DPYD: variants seen among roughly 807,000 people sequenced by gnomAD.
DPYD encodes dihydropyrimidine dehydrogenase, also known as dihydropyrimidine dehydrogenase [NADP(+)].
A neutral mutation model predicts 116.2 loss-of-function variants in DPYD; 109 were observed. The observed-to-expected ratio is 0.94, with a 90% confidence interval of 0.80 to 1.10. The LOEUF (loss-of-function observed/expected upper bound fraction) is 1.10, where lower values mean the gene tolerates loss of function less well. DPYD is among the 50% of genes least tolerant of loss of function. The pLI, the probability that DPYD is intolerant of heterozygous loss-of-function variation, is 0.00. For missense variants in DPYD, 1,302 were observed against 1,254.5 expected, an observed-to-expected ratio of 1.04 and a Z score of -0.57; for synonymous variants, 440 against 432.0, an observed-to-expected ratio of 1.02 and a Z score of -0.23.
chr1:97,129,302 G>A (rs1331609486), intron 20 of DPYD, among the ~76,000 whole-genome samples: 1 of 151,964 alleles, frequency 6.6e-6, no homozygotes, highest in African/African-American at 2.4e-5. Context: ...CTAACCTCAG[G>A]TGATCCTCCT....
chr1:97,198,589 G>A (rs568116658), intron 19 of DPYD, among the ~76,000 whole-genome samples: 3 of 152,162 alleles, frequency 2.0e-5, no homozygotes, highest in African/African-American at 2.4e-5. Flanking sequence ...AAGGTAAATC[G>A]TTCTTGTTAA....
chr1:97,515,485 C>G (rs1052227695), intron 13 of DPYD, among the ~76,000 whole-genome samples: 18 of 151,792 alleles, frequency 1.2e-4, no homozygotes, highest in African/African-American at 4.4e-4. Flanking sequence ...GAAAAAGTCA[C>G]TTTCATAATA....
At chr1:97,794,893 TTAAG>T (rs1030623594) in intron 3 of DPYD, among the ~76,000 whole-genome samples, 11 of 152,138 alleles carry the variant, frequency 7.2e-5, no homozygotes, top group African/African-American at 2.7e-4. Context: ...TGGTATTGCT[TTAAG>T]TTTTAATTTT....
At position 97,289,558 on chromosome 1, in the gene DPYD, A is replaced by T. The variant is rs377076051; in HGVS notation, c.2299+15701T>A. Among the ~76,000 whole-genome samples the T allele has an allele frequency of 3.4e-4, 51 of 151,886 alleles. No individual in the cohort carries two copies. In the East Asian group the frequency reaches 9.1e-3, roughly 27 times the overall value. ...ATACGCAAATCAATAAATGTAATCC[A>T]GCATATAAACAGAACCAAAGACAAA... On this transcript the variant is annotated intron_variant, in intron 18 of 22. Transcript: ENST00000370192.
chr1:97,212,494 G>A (rs1553234494), intron 19 of DPYD, among the ~76,000 whole-genome samples: 1 of 152,016 alleles, frequency 6.6e-6, no homozygotes, highest in Non-Finnish European at 1.5e-5. Context: ...ACTGTGTCCA[G>A]TTTTGGGGTA....
Position 97,090,429 on chromosome 1 carries a change from T to C in DPYD, c.2767-7959A>G, listed in dbSNP as rs192697419. Among the ~76,000 whole-genome samples the C allele has an allele frequency of 1.7e-3, 260 of 152,320 alleles. 1 individual carries two copies. The South Asian group carries it at 0.02, about 12-fold the overall frequency. On this transcript the variant is annotated intron_variant, in intron 21 of 22. Transcript: ENST00000370192. ...TACTCCATAATAGCACAGAGGGTTA[T>C]TGTGAGGATTAAATGAGCTAATTCG... is the stretch of plus-strand genomic sequence containing the variant.
chr1:97,829,361 A>C (rs951820378), intron 2 of DPYD, among the ~76,000 whole-genome samples: 20 of 152,228 alleles, frequency 1.3e-4, no homozygotes, highest in African/African-American at 4.8e-4. Context: ...AGATCCTTTT[A>C]ACAAACACAC....
At chr1:97,891,965 C>A (rs1558035784) in intron 1 of DPYD, among the ~76,000 whole-genome samples, 1 of 151,814 alleles carries the variant, frequency 6.6e-6, no homozygotes, top group Non-Finnish European at 1.5e-5. Context: ...ACATTTTGTA[C>A]TTACATGCTT....
chr1:97,248,432 C>T (rs957707281), intron 18 of DPYD, among the ~76,000 whole-genome samples: 1 of 152,204 alleles, frequency 6.6e-6, no homozygotes, highest in Non-Finnish European at 1.5e-5. Flanking sequence ...ACCATGATTG[C>T]AAGGCCTCCC....
intron 14 of DPYD, among the ~76,000 whole-genome samples, chr1:97,442,780 T>C (rs1347398555): frequency 1.3e-5 from 2 of 152,178 alleles, no homozygotes; most frequent in African/African-American, 4.8e-5. Flanking sequence ...AAGTATTTTG[T>C]ATAAAACCAC....
intron 20 of DPYD, among the ~76,000 whole-genome samples, chr1:97,173,336 G>A (rs915778490): frequency 7.5e-4 from 102 of 136,808 alleles, no homozygotes; most frequent in South Asian, 2.2e-4. Context: ...ACATATATGT[G>A]TATATATGCA....
chr1:97,372,515 T>C (rs910278018), intron 16 of DPYD, among the ~76,000 whole-genome samples: 1 of 152,178 alleles, frequency 6.6e-6, no homozygotes. Flanking sequence ...ACAGAGAATA[T>C]ATTTGAAGAA....
At chr1:97,907,904 A>G (rs556720252) in intron 1 of DPYD, among the ~76,000 whole-genome samples, 26 of 152,192 alleles carry the variant, frequency 1.7e-4, no homozygotes, top group African/African-American at 6.0e-4. Flanking sequence ...AAAGGTGTCA[A>G]CCTTGTCATA....
At chr1:97,543,182 A>G (rs2102061944) in intron 12 of DPYD, among the ~76,000 whole-genome samples, 1 of 152,316 alleles carries the variant, frequency 6.6e-6, no homozygotes, top group South Asian at 2.1e-4. Context: ...TGCTGAAGTA[A>G]CCTGTCCAAG....
chr1:97,560,632 G>T (rs1030431732), intron 11 of DPYD, among the ~76,000 whole-genome samples: 2 of 151,354 alleles, frequency 1.3e-5, no homozygotes, highest in Non-Finnish European at 2.9e-5. Flanking sequence ...GTAAACCACA[G>T]ATAAGAGACC....
At chr1:97,111,881 T>C (rs935199223) in intron 20 of DPYD, among the ~76,000 whole-genome samples, 1 of 152,064 alleles carries the variant, frequency 6.6e-6, no homozygotes, top group African/African-American at 2.4e-5. Context: ...TTTGACTTAG[T>C]CGTGTTTTAC....
At chr1:97,485,968 A>G (rs1273742462) in intron 13 of DPYD, among the ~76,000 whole-genome samples, 1 of 152,210 alleles carries the variant, frequency 6.6e-6, no homozygotes, top group African/African-American at 2.4e-5. Context: ...TGCAATATTG[A>G]CATGGAATAG....
At chr1:97,671,906 G>T (rs939782712) in intron 8 of DPYD, among the ~76,000 whole-genome samples, 2 of 146,024 alleles carry the variant, frequency 1.4e-5, no homozygotes, top group African/African-American at 5.0e-5. Flanking sequence ...TTCTTTTTTT[G>T]TCTTTTCTTT....
intron 2 of DPYD, among the ~76,000 whole-genome samples, chr1:97,848,955 C>T (rs1211694065): frequency 1.3e-5 from 2 of 151,950 alleles, no homozygotes; most frequent in African/African-American, 4.8e-5. Context: ...CTGTATATAT[C>T]CTAAGGAAAT....
Sources: allele counts gnomAD v4.1 joint callset (sites outside exome capture counted in the v4.1 genomes callset), GRCh38; gene constraint gnomAD v4.1.1; transcripts MANE v1.5; gene names NCBI Gene and HGNC (gene_info 2026-07-23, HGNC 2026-07-21).